Variants in ATF6 observed in about 807,000 individuals in gnomAD.
The protein encoded by ATF6 is cyclic AMP-dependent transcription factor ATF-6 alpha.
A neutral mutation model predicts 83.6 loss-of-function variants in ATF6; 53 were observed. The ratio of observed to expected loss-of-function variants is 0.63; its 90% CI spans 0.51 to 0.80. The LOEUF is 0.80. ATF6 is among the 30% of genes least tolerant of loss of function. ATF6 has a pLI of 0.00. For missense variants in ATF6, 744 were observed against 797.9 expected (o/e 0.93, Z 0.81); for synonymous variants, 288 against 285.8 (o/e 1.01, Z -0.08).
chr1:161,851,840 G>C lies in ATF6; in HGVS notation c.1433+5G>C, dbSNP rs1557995530. ...TAACACAACAGAGTCTCTCAGGTGA[G>C]TGTTGTAGATTATTGCAGAAACATC... On this transcript the variant is annotated splice_donor_5th_base_variant and intron_variant, in intron 11 of 15. Transcript: ENST00000367942. 3 of 1,601,588 alleles carry C rather than the reference G, an allele frequency of 1.9e-6. No individual in the cohort carries two copies. The highest frequency in any genetic ancestry group is 2.6e-6 in the Non-Finnish European group (3 of 1,169,354).
intron 14 of ATF6, among the ~76,000 whole-genome samples, chr1:161,911,311 A>T (rs1386807723): frequency 6.6e-6 from 1 of 152,190 alleles, no homozygotes; most frequent in East Asian, 1.9e-4. Flanking sequence ...GTAACAGTTC[A>T]TATGTTTTTG....
intron 6 of ATF6, among the ~76,000 whole-genome samples, chr1:161,794,702 C>A (rs1425432347): frequency 6.6e-6 from 1 of 152,162 alleles, no homozygotes; most frequent in African/African-American, 2.4e-5. Context: ...CCTTTGAATT[C>A]TCTTGTTTTT....
At chr1:161,803,508 G>T (rs182772387) in intron 7 of ATF6, among the ~76,000 whole-genome samples, 2 of 152,256 alleles carry the variant, frequency 1.3e-5, no homozygotes, top group Admixed American at 1.3e-4. Flanking sequence ...AATGCTTATG[G>T]CATAATAGGC....
At chr1:161,937,603 A>G (rs1490376468) in intron 15 of ATF6, among the ~76,000 whole-genome samples, 1 of 152,072 alleles carries the variant, frequency 6.6e-6, no homozygotes, top group Non-Finnish European at 1.5e-5. Context: ...ACGTGGATGA[A>G]GCTGGAAACC....
At chr1:161,952,665 C>T (rs903715577) in intron 15 of ATF6, among the ~76,000 whole-genome samples, 1 of 148,584 alleles carries the variant, frequency 6.7e-6, no homozygotes, top group African/African-American at 2.4e-5. Flanking sequence ...AATGTTCAGG[C>T]ATTATATATA....
chr1:161,837,244 AG>A (rs1686243441), intron 9 of ATF6, among the ~76,000 whole-genome samples: 1 of 152,252 alleles, frequency 6.6e-6, no homozygotes, highest in Admixed American at 6.5e-5. Flanking sequence ...TATATTGCTT[AG>A]ACTTCTAGGC....
At chr1:161,854,573 T>C (rs937924495) in intron 12 of ATF6, among the ~76,000 whole-genome samples, 1 of 152,140 alleles carries the variant, frequency 6.6e-6, no homozygotes, top group Non-Finnish European at 1.5e-5. Flanking sequence ...GAAATAACAA[T>C]GTAAAGATTT....
rs1178229608 is a variant in ATF6 at position 161,907,596 on chromosome 1, TTAAAGA to T, written c.1720-4694_1720-4689del. ...ATGATAGAAATAACATTCCTTTCTATTAAAGATAAAGGGCTCCAACCTTGAGCCAGA... is the reference window on the plus strand; with the variant it reads ...ATGATAGAAATAACATTCCTTTCTATTAAAGGGCTCCAACCTTGAGCCAGA... On this transcript the variant is annotated intron_variant, in intron 14 of 15. Transcript: ENST00000367942. 2.0e-5 allele frequency among the ~76,000 whole-genome samples: 3 copies of T among 152,174 alleles called. 1 individual carries two copies. Among genetic ancestry groups the T allele is most frequent in the Non-Finnish European group, 4.4e-5 (3 of 67,998 alleles).
chr1:161,908,301 C>G (rs1687918264), intron 14 of ATF6, among the ~76,000 whole-genome samples: 1 of 152,112 alleles, frequency 6.6e-6, no homozygotes, highest in Non-Finnish European at 1.5e-5. Context: ...TGGTCCTTTT[C>G]TTTTGATAAG....
At position 161,808,521 on chromosome 1, in the gene ATF6, C is replaced by T. The variant is rs1377905235; in HGVS notation, c.909+6249C>T. Among the ~76,000 whole-genome samples the T allele has an allele frequency of 2.0e-5, 3 of 152,246 alleles. No individual in the cohort carries two copies. In the South Asian group the frequency reaches 6.2e-4, roughly 32 times the overall value. ...CTTTTCTCACTTATACCTTAGAGAT[C>T]TGTTCAGATCAGTACTAAAAACTTT... On this transcript the variant is annotated intron_variant, in intron 7 of 15. Transcript: ENST00000367942.
intron 15 of ATF6, among the ~76,000 whole-genome samples, chr1:161,944,532 A>G (rs1261515648): frequency 6.6e-6 from 1 of 152,178 alleles, no homozygotes; most frequent in Non-Finnish European, 1.5e-5. Context: ...ACACATGGGT[A>G]TTTCTGTAAC....
rs150053509 is a variant in ATF6, at chr1:161,818,273, C to T, written c.910-1360C>T. ...TACTAATCAATGTAATATAGGTTGG[C>T]GCTTTTTATGCACTTAATTTTGCCA... On this transcript the variant is annotated intron_variant, in intron 7 of 15. Transcript: ENST00000367942. Among the ~76,000 whole-genome samples the T allele has an allele frequency of 2.5e-3, 375 of 152,202 alleles. 1 individual carries two copies. The highest frequency in any genetic ancestry group is 7.6e-3 in the African/African-American group (316 of 41,528).
chr1:161,823,701 T>C (rs894450137), intron 9 of ATF6, among the ~76,000 whole-genome samples: 14 of 152,190 alleles, frequency 9.2e-5, no homozygotes, highest in African/African-American at 3.1e-4. Context: ...TGTTTTTTCA[T>C]GTAATCTGTT....
At chr1:161,917,408 T>C (rs1688121003) in intron 15 of ATF6, among the ~76,000 whole-genome samples, 1 of 142,012 alleles carries the variant, frequency 7.0e-6, no homozygotes, top group African/African-American at 2.6e-5. Flanking sequence ...AGTCTGAAGA[T>C]AATTTTATAC....
At chr1:161,809,656 A>C (rs1685403944) in intron 7 of ATF6, among the ~76,000 whole-genome samples, 1 of 152,230 alleles carries the variant, frequency 6.6e-6, no homozygotes, top group Non-Finnish European at 1.5e-5. Context: ...TTACAGTCCT[A>C]CTAACAGTGT....
intron 15 of ATF6, among the ~76,000 whole-genome samples, chr1:161,950,736 C>G (rs1166950140): frequency 6.6e-6 from 1 of 152,098 alleles, no homozygotes. Flanking sequence ...CTCATGGGCC[C>G]CTTTGTACAC....
In ATF6 at chr1:161,881,788, T is replaced by TC. The variant is rs781636569; in HGVS notation, c.1719+18478dup. 1.4e-4 allele frequency among the ~76,000 whole-genome samples: 22 copies of TC among 152,268 alleles called. 1 individual carries two copies. Among genetic ancestry groups the TC allele is most frequent in the Non-Finnish European group, 2.9e-4 (20 of 67,996 alleles). On this transcript the variant is annotated intron_variant, in intron 14 of 15. Transcript: ENST00000367942. ...GCAGAAATTCTTAATTTTGATGAAGTCCAATATGTCAGCTTTTTATTTTAT... is the reference window on the plus strand; with the variant it reads ...GCAGAAATTCTTAATTTTGATGAAGTCCCAATATGTCAGCTTTTTATTTTAT...
chr1:161,864,334 G>A (rs1686947244), intron 14 of ATF6, among the ~76,000 whole-genome samples: 1 of 152,206 alleles, frequency 6.6e-6, no homozygotes, highest in African/African-American at 2.4e-5. Flanking sequence ...CACACATGTA[G>A]ATTCCACAGA....
chr1:161,818,770 A>C (rs1685677884), intron 7 of ATF6, among the ~76,000 whole-genome samples: 1 of 152,230 alleles, frequency 6.6e-6, no homozygotes, highest in African/African-American at 2.4e-5. Flanking sequence ...GATTTAGGGC[A>C]GAAGGTCTGG....
Sources: allele counts gnomAD v4.1 joint callset (sites outside exome capture counted in the v4.1 genomes callset), GRCh38; gene constraint gnomAD v4.1.1; transcripts MANE v1.5; gene names NCBI Gene and HGNC (gene_info 2026-07-23, HGNC 2026-07-21).